Variants in TENM2 observed in about 807,000 individuals in gnomAD.
TENM2 encodes teneurin transmembrane protein 2.
TENM2 carries 52 observed loss-of-function variants against 245.2 expected under a neutral mutation model. The observed-to-expected ratio is 0.21, with a 90% CI of 0.17 to 0.27. The LOEUF (loss-of-function observed/expected upper bound fraction) is 0.27. TENM2 is among the 10% of genes least tolerant of loss of function. The pLI is 1.00. For synonymous variants in TENM2, 1,363 were observed against 1,438.9 expected, an observed-to-expected ratio of 0.95 and a Z score of 1.19; for missense variants, 3,046 against 3,666.8, an observed-to-expected ratio of 0.83 and a Z score of 4.37.
chr5:167,385,417 C>T (rs1420127873), intron 2 of TENM2, among the ~76,000 whole-genome samples: 1 of 149,272 alleles, frequency 6.7e-6, no homozygotes, highest in Non-Finnish European at 1.5e-5. Context: ...TTTAATTTTT[C>T]TTTCTCATTA....
chr5:167,465,478 A>G (rs1267594507), intron 2 of TENM2, among the ~76,000 whole-genome samples: 1 of 152,152 alleles, frequency 6.6e-6, no homozygotes, highest in African/African-American at 2.4e-5. Flanking sequence ...GGGACTCTCT[A>G]TCCATCCTAT....
exon 5 of TENM2, chr5:167,992,967 C>T (rs537119208): frequency 3.1e-6 from 5 of 1,613,910 alleles, no homozygotes; most frequent in East Asian, 2.2e-5. Flanking sequence ...AAGACCTCCT[C>T]GGGGAGCACA....
At chr5:167,431,951 A>ATATATATGTG (rs1211811207) in intron 2 of TENM2, among the ~76,000 whole-genome samples, 1 of 39,060 alleles carries the variant, frequency 2.6e-5, no homozygotes, top group Non-Finnish European at 6.8e-5. Flanking sequence ...ATATATATGT[A>ATATATATGTG]TATATATATG....
chr5:167,781,910 G>A (rs993147020), intron 2 of TENM2, among the ~76,000 whole-genome samples: 1 of 152,266 alleles, frequency 6.6e-6, no homozygotes, highest in African/African-American at 2.4e-5. Flanking sequence ...TTGGGAGGCT[G>A]AGGCAGGTGA....
the TENM2 span, among the ~76,000 whole-genome samples, chr5:167,273,514 T>TAA: frequency 6.6e-6 from 1 of 152,142 alleles, no homozygotes; most frequent in African/African-American, 2.4e-5. Context: ...TCATAAGCAA[T>TAA]AAATACATTT....
the TENM2 span, among the ~76,000 whole-genome samples, chr5:167,102,919 G>A: frequency 2.0e-5 from 3 of 152,114 alleles, no homozygotes; most frequent in African/African-American, 4.8e-5. Context: ...CTCGGCCTCC[G>A]AAAGTGCCGG....
At chr5:167,958,456 T>G (rs144533586) in intron 4 of TENM2, among the ~76,000 whole-genome samples, 1 of 152,182 alleles carries the variant, frequency 6.6e-6, no homozygotes, top group African/African-American at 2.4e-5. Flanking sequence ...TGTCTTTTAA[T>G]TGGGGCATCT....
At position 167,976,018 on chromosome 5, in the gene TENM2, A is replaced by C. The variant is rs138554749; in HGVS notation, c.948-16926A>C. Among the ~76,000 whole-genome samples the C allele has an allele frequency of 7.9e-5, 12 of 152,336 alleles. No individual in the cohort carries two copies. In the East Asian group the frequency reaches 1.7e-3, roughly 22 times the overall value. ...GATGACTTAAGAATTGTCAGTAGCTATACAAGAATTCGGATAAATCAATTT... is the reference window on the plus strand; with the variant it reads ...GATGACTTAAGAATTGTCAGTAGCTCTACAAGAATTCGGATAAATCAATTT... On this transcript the variant is annotated intron_variant, in intron 4 of 28. Coordinates refer to ENST00000518659, the Ensembl canonical transcript of TENM2.
intron 2 of TENM2, among the ~76,000 whole-genome samples, chr5:167,648,212 C>G (rs1780095578): frequency 6.6e-6 from 1 of 152,112 alleles, no homozygotes. Context: ...AGGCTTATGC[C>G]CAGCACCTGG....
chr5:168,122,956 A>G (rs949882912), intron 10 of TENM2, among the ~76,000 whole-genome samples: 20 of 152,180 alleles, frequency 1.3e-4, no homozygotes, highest in African/African-American at 4.1e-4. Context: ...TGTGGCATGG[A>G]TACTCTAAAT....
the TENM2 span, among the ~76,000 whole-genome samples, chr5:166,998,119 G>A: frequency 2.0e-5 from 3 of 152,058 alleles, no homozygotes; most frequent in East Asian, 5.8e-4. Context: ...AGCACTTATT[G>A]GATCTTTTCA....
chr5:167,904,984 G>T (rs1775974854), intron 3 of TENM2, among the ~76,000 whole-genome samples: 1 of 152,070 alleles, frequency 6.6e-6, no homozygotes, highest in Non-Finnish European at 1.5e-5. Flanking sequence ...TAAGCTTCAG[G>T]TTCTTTATCT....
At chr5:167,526,982 A>G (rs1358293603) in intron 2 of TENM2, among the ~76,000 whole-genome samples, 1 of 152,030 alleles carries the variant, frequency 6.6e-6, no homozygotes, top group African/African-American at 2.4e-5. Context: ...GTTCATTTGG[A>G]TTCAAATTCA....
At chr5:167,000,836 G>A in the TENM2 span, among the ~76,000 whole-genome samples, 4 of 152,136 alleles carry the variant, frequency 2.6e-5, no homozygotes, top group Non-Finnish European at 4.4e-5. Context: ...AATTTCAACA[G>A]GTAGTTTAAA....
intron 3 of TENM2, among the ~76,000 whole-genome samples, chr5:167,892,015 CTATT>C (rs932635146): frequency 6.6e-6 from 1 of 152,154 alleles, no homozygotes; most frequent in Non-Finnish European, 1.5e-5. Flanking sequence ...TAAGCAAACT[CTATT>C]TATATTTTAT....
chr5:167,453,448 C>A (rs1486137062), intron 2 of TENM2, among the ~76,000 whole-genome samples: 2 of 152,108 alleles, frequency 1.3e-5, no homozygotes, highest in African/African-American at 4.8e-5. Context: ...AGGAAGACAT[C>A]ACATTGTGAA....
chr5:167,355,868 AT>A lies in TENM2; in HGVS notation c.227-19312del, dbSNP rs11406123. The stretch of plus-strand genomic sequence containing the variant: ...AGCAATCTAAAAGAAATGACCCTTA[AT>A]TTTTTTTTTTTTTTTTTAAAGCTAG... On this transcript the variant is annotated intron_variant, in intron 1 of 28. Coordinates refer to ENST00000518659, the Ensembl canonical transcript of TENM2. Among the ~76,000 whole-genome samples, 621 of 140,250 alleles carry A rather than the reference AT, an allele frequency of 4.4e-3. 1 individual carries two copies. Among genetic ancestry groups the A allele is most frequent in the South Asian group, 6.5e-3 (28 of 4,332 alleles). The allele number at this position is 140,250 out of a possible 152,430, so 92.0% of individuals were successfully genotyped here.
intron 5 of TENM2, among the ~76,000 whole-genome samples, chr5:168,000,862 T>G (rs1784370863): frequency 6.6e-6 from 1 of 152,102 alleles, no homozygotes; most frequent in Non-Finnish European, 1.5e-5. Flanking sequence ...TTATAGTCAG[T>G]GGAACATGGT....
At chr5:167,734,294 G>A (rs1760645689) in intron 2 of TENM2, among the ~76,000 whole-genome samples, 1 of 151,920 alleles carries the variant, frequency 6.6e-6, no homozygotes, top group East Asian at 1.9e-4. Flanking sequence ...CTAACTGTGA[G>A]GACTCACCTG....
Sources: gnomAD v4.1 joint callset for allele counts (sites outside exome capture counted in the v4.1 genomes callset) on GRCh38, gnomAD v4.1.1 for gene constraint, MANE v1.5 for transcripts, NCBI Gene and HGNC (gene_info 2026-07-23, HGNC 2026-07-21) for gene names.